The following ZNF594 variants were observed in gnomAD, a reference collection of about 807,000 sequenced individuals.
ZNF594 encodes the protein zinc finger protein HZF18.
For synonymous variants in ZNF594, 336 were observed against 309.4 expected, an observed-to-expected ratio of 1.09 and a Z score of -0.90; for missense variants, 1,037 against 964.6, an observed-to-expected ratio of 1.08 and a Z score of -0.99.
At position 5,181,295 on chromosome 17, in the gene ZNF594, C is replaced by T. The variant is rs1232881863; in HGVS notation, c.*538G>A. 2.5e-6 allele frequency: 4 copies of T among 1,612,626 alleles called. No homozygotes were observed. The East Asian group carries it at 6.7e-5, about 27-fold the overall frequency. ...GGTCTGAGCTCTGATTGAAAGTTTT[C>T]CCACATTCTTTACATTCATATGGTT... On this transcript the variant is annotated 3_prime_UTR_variant, in exon 2 of 2. Coordinates refer to ENST00000575779, the MANE Select transcript of ZNF594 (RefSeq NM_032530.2).
At chr17:5,174,655 T>G, downstream of ZNF594, 1 of 198,452 alleles carries the variant, frequency 5.0e-6, no homozygotes, top group Non-Finnish European at 1.0e-5. Context: ...TTTTAAATAA[T>G]TTCTTTACAG....
chr17:5,187,722 G>A (rs1386529647), intron 1 of ZNF594, among the ~76,000 whole-genome samples: 1 of 152,090 alleles, frequency 6.6e-6, no homozygotes, highest in Non-Finnish European at 1.5e-5. Context: ...TCATAGAGTT[G>A]TTATGAGAAT....
chr17:5,183,955 T>C lies in ZNF594; in HGVS notation c.302A>G (p.Tyr101Cys), dbSNP rs1352037655. 6.2e-7 allele frequency: 1 copy of C among 1,614,092 alleles called. No individual in the cohort carries two copies. Among genetic ancestry groups the C allele is most frequent in the Non-Finnish European group, 8.5e-7 (1 of 1,180,044 alleles). Residue 101 changes from tyrosine to cysteine, a missense_variant, in exon 2 of 2, where the codon TAT becomes TGT. Tyr to Cys is a radical substitution (Grantham distance 194, BLOSUM62 -2). Transcript: ENST00000575779. ...ILSAGESSHRYEVSGQNFKQK... is the reference protein window; with the variant it reads ...ILSAGESSHRCEVSGQNFKQK... Reference sequence around the variant, plus strand: ...TTTGAAGTTTTGGCCACTAACCTCATATCTATGGGAGCTTTCTCCTGCAGA... The same window carrying C: ...TTTGAAGTTTTGGCCACTAACCTCACATCTATGGGAGCTTTCTCCTGCAGA...
At chr17:5,176,376 C>CA (rs1567822091), downstream of ZNF594, among the ~76,000 whole-genome samples, 1 of 76,748 alleles carries the variant, frequency 1.3e-5, no homozygotes, top group African/African-American at 5.3e-5. Flanking sequence ...GCCTGGGCAA[C>CA]AAGAGCAAAA....
chr17:5,182,418 T>A lies in ZNF594; in HGVS notation c.1839A>T (p.Arg613Ser). 2 of 1,613,824 alleles carry A rather than the reference T, an allele frequency of 1.2e-6. No homozygotes were observed. Among genetic ancestry groups the A allele is most frequent in the South Asian group, 2.2e-5 (2 of 91,078 alleles). ...KTFNQSSDLL[R>S]HHRIHSGEKP... Reference sequence around the variant, plus strand: ...TTTCTCCACTGTGAATTCTATGATGTCTCAGAAGGTCTGAGCTCTGATTGA... The same window carrying A: ...TTTCTCCACTGTGAATTCTATGATGACTCAGAAGGTCTGAGCTCTGATTGA... The change falls in exon 2 of 2, where the codon AGA (arginine) becomes AGT (serine). Residue 613 changes from arginine to serine, a missense_variant. Arg to Ser is a moderately radical substitution (Grantham distance 110). Transcript: ENST00000575779.
chr17:5,183,497 G>A lies in ZNF594; in HGVS notation c.760C>T (p.Leu254Phe), dbSNP rs1165481382. Residue 254 changes from leucine to phenylalanine, a missense_variant, in exon 2 of 2, where the codon CTT becomes TTT. Leu to Phe is a conservative substitution (Grantham distance 22, BLOSUM62 0). Coordinates refer to ENST00000575779, the MANE Select transcript of ZNF594 (RefSeq NM_032530.2). ...CGKAFSQSTD[L>F]IIHHRIHTGE... is the part of the protein sequence containing the mutation. ...GTGTGAATTCTGTGATGTATAATAA[G>A]ATCTGTGCTTTGACTGAAAGCCTTC... 2 of 1,614,148 alleles carry A rather than the reference G, an allele frequency of 1.2e-6. No individual in the cohort carries two copies. Among genetic ancestry groups the A allele is most frequent in the African/African-American group, 1.3e-5 (1 of 75,054 alleles).
At position 5,180,547 on chromosome 17, in the gene ZNF594, C is replaced by T. The variant is rs566078609; in HGVS notation, c.*1286G>A. 45 of 161,164 alleles carry T rather than the reference C, an allele frequency of 2.8e-4. No homozygotes were observed. Among genetic ancestry groups the T allele is most frequent in the Non-Finnish European group, 4.8e-4 (35 of 73,458 alleles). The allele number at this position is 161,164 out of a possible 1,614,324, so 10.0% of individuals were successfully genotyped here. On this transcript the variant is annotated 3_prime_UTR_variant, in exon 2 of 2. Coordinates refer to ENST00000575779, the MANE Select transcript of ZNF594 (RefSeq NM_032530.2). ...TAAAACATTCTCAAGTAATTAGACCCCTGGGGCTGGTGCAGTGGCTCATGC... is the reference window on the plus strand; with the variant it reads ...TAAAACATTCTCAAGTAATTAGACCTCTGGGGCTGGTGCAGTGGCTCATGC...
chr17:5,175,349 A>G (rs2074299712), downstream of ZNF594, among the ~76,000 whole-genome samples: 1 of 152,220 alleles, frequency 6.6e-6, no homozygotes, highest in Non-Finnish European at 1.5e-5. Flanking sequence ...TGCGCATGCT[A>G]GCAATCTAGG....
In ZNF594 at chr17:5,182,896, T is replaced by C; in HGVS notation, c.1361A>G (p.His454Arg). 1.2e-5 allele frequency: 19 copies of C among 1,614,172 alleles called. No homozygotes were observed. Among genetic ancestry groups the C allele is most frequent in the Non-Finnish European group, 1.6e-5 (19 of 1,180,018 alleles). Residue 454 changes from histidine (H) to arginine (R), a missense_variant, in exon 2 of 2, where the codon CAT becomes CGT. Physicochemically the swap from His to Arg is conservative, Grantham distance 29 (BLOSUM62 0). Transcript: ENST00000575779. ...ACATTCATAGGGTTTCTCTCCAGTA[T>C]GAACACGATGGTGTCTAATAAGATC... ...SSDLIRHHRV[H>R]TGEKPYECSE...
rs1408642458 is a variant in ZNF594, at chr17:5,182,977, C to A, written c.1280G>T (p.Ser427Ile). 1 of 1,614,088 alleles carries A rather than the reference C, an allele frequency of 6.2e-7. No homozygotes were observed. The highest frequency in any genetic ancestry group is 8.5e-7 in the Non-Finnish European group (1 of 1,180,012). Residue 427 changes from serine (S) to isoleucine (I), a missense_variant, in exon 2 of 2, where the codon AGT becomes ATT. Coordinates refer to ENST00000575779, the MANE Select transcript of ZNF594 (RefSeq NM_032530.2). ...SDLLRHHRIH[S>I]GEKPCVCSKC... ...GCTACATACACAAGGTTTTTCTCCA[C>A]TGTGAATTCTATGATGTCTCAGAAG... is the stretch of plus-strand genomic sequence containing the variant.
At chr17:5,191,532 C>G (rs979060050) in intron 1 of ZNF594, 2 of 152,272 alleles carry the variant, frequency 1.3e-5, no homozygotes, top group East Asian at 3.8e-4. Flanking sequence ...GGAACTGGAA[C>G]AGGCAAGAGT....
chr17:5,184,147 G>C lies in ZNF594; in HGVS notation c.110C>G (p.Thr37Ser), dbSNP rs774850501. 1.2e-6 allele frequency: 2 copies of C among 1,614,170 alleles called. No individual in the cohort carries two copies. Among genetic ancestry groups the C allele is most frequent in the South Asian group, 1.1e-5 (1 of 91,072 alleles). ...CAATAATCTGTCCTCAGAATTACTG[G>C]TTTCAACTAACTCACATTCCTGGGT... ...QITQECELVE[T>S]SNSEDRLLKH... The change falls in exon 2 of 2, where the codon ACC becomes AGC. Residue 37 changes from threonine to serine, a missense_variant. Transcript: ENST00000575779.
intron 1 of ZNF594, among the ~76,000 whole-genome samples, chr17:5,184,590 A>T (rs2074374497): frequency 6.6e-6 from 1 of 152,164 alleles, no homozygotes; most frequent in East Asian, 1.9e-4. Context: ...TGGATGGGGG[A>T]GGAACTTGCT....
chr17:5,184,049 G>A lies in ZNF594; in HGVS notation c.208C>T (p.His70Tyr), dbSNP rs749373453. The part of the protein sequence containing the change: ...PSQESGIREM[H>Y]IIPQKAIVGE... ...ACAATGGCTTTCTGGGGGATAATAT[G>A]CATTTCCCTGATACCGCTCTCTTGG... The change falls in exon 2 of 2, where the codon CAT (histidine) becomes TAT (tyrosine). Residue 70 changes from histidine (H) to tyrosine (Y), a missense_variant. By Grantham distance (83) the His-to-Tyr change is moderately conservative. Coordinates refer to ENST00000575779, the MANE Select transcript of ZNF594 (RefSeq NM_032530.2). 5.9e-5 allele frequency: 95 copies of A among 1,613,988 alleles called. No homozygotes were observed. Among genetic ancestry groups the A allele is most frequent in the Admixed American group, 1.3e-4 (8 of 59,998 alleles).
chr17:5,177,475 C>T (rs182430482), downstream of ZNF594, among the ~76,000 whole-genome samples: 3 of 152,160 alleles, frequency 2.0e-5, no homozygotes, highest in Admixed American at 1.3e-4. Context: ...TTTGGGAGTT[C>T]GAGGCAGGTG....
chr17:5,190,618 AAGAGCCT>A (rs2074415860), intron 1 of ZNF594, among the ~76,000 whole-genome samples: 1 of 152,220 alleles, frequency 6.6e-6, no homozygotes, highest in Non-Finnish European at 1.5e-5. Flanking sequence ...ACAAGGTAGT[AAGAGCCT>A]ATGAATTAGA....
intron 1 of ZNF594, among the ~76,000 whole-genome samples, chr17:5,189,408 T>C (rs2074407599): frequency 6.6e-6 from 1 of 151,794 alleles, no homozygotes; most frequent in Admixed American, 6.6e-5. Context: ...GCAGCACACA[T>C]GGCTAAGTTT....
At chr17:5,187,448 G>GT (rs2074392850) in intron 1 of ZNF594, among the ~76,000 whole-genome samples, 1 of 152,192 alleles carries the variant, frequency 6.6e-6, no homozygotes, top group South Asian at 2.1e-4. Context: ...AACCATATCA[G>GT]TCAGTCACAA....
downstream of ZNF594, chr17:5,174,821 A>T (rs1184650159): frequency 5.1e-6 from 1 of 194,916 alleles, no homozygotes; most frequent in Non-Finnish European, 1.1e-5. Flanking sequence ...AAACTTGTTG[A>T]CAATGCACTG....
Sources: allele counts gnomAD v4.1 joint callset (sites outside exome capture counted in the v4.1 genomes callset), GRCh38; gene constraint gnomAD v4.1.1; transcripts MANE v1.5; gene names NCBI Gene and HGNC (gene_info 2026-07-23, HGNC 2026-07-21).